The following TMTC2 variants were observed in gnomAD, a reference collection of about 807,000 sequenced individuals.
TMTC2 encodes transmembrane O-mannosyltransferase targeting cadherins 2.
Under a neutral mutation model 82.4 loss-of-function variants are expected in TMTC2, and 43 were observed. The observed-to-expected ratio is 0.52, with a 90% CI of 0.41 to 0.67. The LOEUF (loss-of-function observed/expected upper bound fraction) is 0.67, where lower values mean the gene tolerates loss of function less well. Among genes scored for constraint, TMTC2 ranks in the 30% least tolerant of loss-of-function variants. The pLI is 0.00. For missense variants in TMTC2, 919 were observed against 1,012.4 expected, an observed-to-expected ratio of 0.91 and a Z score of 1.25; for synonymous variants, 408 against 381.9, an observed-to-expected ratio of 1.07 and a Z score of -0.80.
intron 1 of TMTC2, among the ~76,000 whole-genome samples, chr12:82,796,953 C>G (rs1878748861): frequency 6.6e-6 from 1 of 152,066 alleles, no homozygotes; most frequent in South Asian, 2.1e-4. Context: ...TAGATATAAT[C>G]AGCTCAAAAT....
rs1249099199 is a variant in TMTC2 at position 82,876,054 on chromosome 12, GTGGTGGTGGTGGTGATGATGA to G, written c.654+18477_654+18497del. Among the ~76,000 whole-genome samples, 165 of 136,030 alleles carry G rather than the reference GTGGTGGTGGTGGTGATGATGA, an allele frequency of 1.2e-3. 3 individuals are homozygous for G. Among genetic ancestry groups the G allele is most frequent in the African/African-American group, 4.1e-3 (139 of 34,080 alleles). The allele number at this position is 136,030 out of a possible 152,430, so 89.2% of individuals were successfully genotyped here. ...GGTGGTGGTGGTGGTGGTGGTGGTG[GTGGTGGTGGTGGTGATGATGA>G]TGATGGTGATTAGTATTCATAATGG... is the stretch of plus-strand genomic sequence containing the variant. On this transcript the variant is annotated intron_variant, in intron 2 of 11. Transcript: ENST00000321196.
intron 8 of TMTC2, among the ~76,000 whole-genome samples, chr12:82,994,725 T>C (rs981364702): frequency 2.6e-5 from 4 of 152,066 alleles, no homozygotes; most frequent in African/African-American, 9.7e-5. Flanking sequence ...TAATAAGCAG[T>C]GGTGGTACAA....
chr12:82,694,307 A>G (rs369350181), intron 1 of TMTC2, among the ~76,000 whole-genome samples: 253 of 151,910 alleles, frequency 1.7e-3, no homozygotes, highest in African/African-American at 5.9e-3. Flanking sequence ...TAAAAAAATT[A>G]TATGGAAAAA....
chr12:82,785,505 A>G (rs1291124851), intron 1 of TMTC2, among the ~76,000 whole-genome samples: 2 of 152,036 alleles, frequency 1.3e-5, no homozygotes, highest in African/African-American at 2.4e-5. Context: ...AGTTGCTGGC[A>G]GTAAAGCTCT....
At chr12:83,003,329 T>C (rs1880010320) in intron 8 of TMTC2, among the ~76,000 whole-genome samples, 1 of 152,192 alleles carries the variant, frequency 6.6e-6, no homozygotes, top group African/African-American at 2.4e-5. Flanking sequence ...GTGAAACAGA[T>C]CTCTTGAAAA....
chr12:83,007,354 T>A (rs557972769), intron 8 of TMTC2, among the ~76,000 whole-genome samples: 2 of 152,342 alleles, frequency 1.3e-5, no homozygotes, highest in East Asian at 3.9e-4. Context: ...TTAGGACTGC[T>A]TTTGCTGCAT....
rs914190599 is a variant in TMTC2 at position 83,133,240 on chromosome 12, C to T, written c.*851C>T. On this transcript the variant is annotated 3_prime_UTR_variant, in exon 12 of 12. Coordinates refer to ENST00000321196, the MANE Select transcript of TMTC2 (RefSeq NM_152588.3). ...TAGCTATTCCTGGAGAATGTGCAAG[C>T]TTACATAAGGATAAAGGACAGGGGA... 6.6e-6 allele frequency: 1 copy of T among 152,132 alleles called. No individual in the cohort carries two copies. Among genetic ancestry groups the T allele is most frequent in the African/African-American group, 2.4e-5 (1 of 41,422 alleles). 9.4% of individuals were successfully genotyped at this position (152,132 alleles called of 1,614,324 possible). A position where few individuals can be genotyped will look rare whatever the true frequency, so the allele number is the denominator to read the frequency against.
intron 1 of TMTC2, among the ~76,000 whole-genome samples, chr12:82,751,343 G>C (rs4882430): frequency 0.99 from 148,685 of 150,454 alleles, 73,491 homozygotes; most frequent in Middle Eastern, 1. Flanking sequence ...ACAATGAGAA[G>C]ACATGGACAC....
intron 11 of TMTC2, among the ~76,000 whole-genome samples, chr12:83,078,768 C>T (rs1883370427): frequency 6.6e-6 from 1 of 152,030 alleles, no homozygotes; most frequent in Admixed American, 6.5e-5. Context: ...TTTATTCTGT[C>T]ACTTTCTTTA....
chr12:82,906,002 A>T (rs770298318), intron 3 of TMTC2, among the ~76,000 whole-genome samples: 1 of 151,856 alleles, frequency 6.6e-6, no homozygotes, highest in African/African-American at 2.4e-5. Flanking sequence ...TCAATTTTGC[A>T]GCGTCTGACA....
At chr12:82,874,972 T>G (rs1872404808) in intron 2 of TMTC2, among the ~76,000 whole-genome samples, 1 of 152,180 alleles carries the variant, frequency 6.6e-6, no homozygotes, top group Non-Finnish European at 1.5e-5. Context: ...GTGCCATGCT[T>G]GATCCTCAAT....
intron 1 of TMTC2, among the ~76,000 whole-genome samples, chr12:82,830,388 A>G (rs916333714): frequency 8.6e-5 from 13 of 151,678 alleles, no homozygotes; most frequent in African/African-American, 3.1e-4. Flanking sequence ...TTAGGGCCCC[A>G]TTGGTGCACA....
intron 5 of TMTC2, among the ~76,000 whole-genome samples, 166 bp from the exon 6 acceptor site, chr12:82,965,394 T>G (rs1035149627): frequency 4.6e-5 from 7 of 152,184 alleles, no homozygotes; most frequent in Non-Finnish European, 8.8e-5. Context: ...CAGTGATATT[T>G]GCAGTTTCAC....
intron 2 of TMTC2, among the ~76,000 whole-genome samples, chr12:82,870,591 A>G (rs1481119222): frequency 1.3e-5 from 2 of 152,184 alleles, no homozygotes; most frequent in African/African-American, 2.4e-5. Flanking sequence ...AATTTTAGTC[A>G]TTAGCACTGG....
At chr12:83,017,081 A>G (rs920159734) in intron 8 of TMTC2, among the ~76,000 whole-genome samples, 1 of 152,210 alleles carries the variant, frequency 6.6e-6, no homozygotes, top group African/African-American at 2.4e-5. Flanking sequence ...AATTATGCCT[A>G]GCAAATTCCC....
At chr12:82,860,935 A>G (rs1871510225) in intron 2 of TMTC2, among the ~76,000 whole-genome samples, 1 of 152,238 alleles carries the variant, frequency 6.6e-6, no homozygotes, top group Non-Finnish European at 1.5e-5. Context: ...TAAAATATAT[A>G]GATTTCTATG....
intron 1 of TMTC2, among the ~76,000 whole-genome samples, chr12:82,727,435 A>T (rs961090433): frequency 1.3e-5 from 2 of 151,912 alleles, no homozygotes; most frequent in African/African-American, 4.8e-5. Flanking sequence ...AGACTAGAGG[A>T]TTCATAACTT....
intron 11 of TMTC2, among the ~76,000 whole-genome samples, chr12:83,066,903 T>G (rs1882937192): frequency 6.6e-6 from 1 of 151,968 alleles, no homozygotes; most frequent in Non-Finnish European, 1.5e-5. Flanking sequence ...TATTCTAATA[T>G]TCTCATGGGG....
chr12:82,799,668 T>A (rs1211387151), intron 1 of TMTC2, among the ~76,000 whole-genome samples: 1 of 152,192 alleles, frequency 6.6e-6, no homozygotes, highest in Non-Finnish European at 1.5e-5. Context: ...TTCCTTGCCT[T>A]ATACTCCAAT....
Sources: allele counts gnomAD v4.1 joint callset (sites outside exome capture counted in the v4.1 genomes callset), GRCh38; gene constraint gnomAD v4.1.1; transcripts MANE v1.5; gene names NCBI Gene and HGNC (gene_info 2026-07-23, HGNC 2026-07-21).